Variants in PLA2R1 observed in about 807,000 individuals in gnomAD.
The protein encoded by PLA2R1 is secretory phospholipase A2 receptor.
PLA2R1 carries 158 observed loss-of-function variants against 195.9 expected under a neutral mutation model. The ratio of observed to expected loss-of-function variants is 0.81; its 90% CI spans 0.71 to 0.92. The LOEUF (loss-of-function observed/expected upper bound fraction) is 0.92. PLA2R1 is among the 40% of genes least tolerant of loss of function. PLA2R1 has a pLI of 0.00. For missense variants in PLA2R1, 1,626 were observed against 1,764.6 expected (o/e 0.92, Z 1.41); for synonymous variants, 586 against 598.2 (o/e 0.98, Z 0.30).
At position 159,937,357 on chromosome 2, in the gene PLA2R1, CA is replaced by C. The variant is rs1686883118; in HGVS notation, c.*4420del. 6.6e-6 allele frequency: 1 copy of C among 152,188 alleles called. No homozygotes were observed. The highest frequency in any genetic ancestry group is 1.5e-5 in the Non-Finnish European group (1 of 68,034). 9.4% of individuals were successfully genotyped at this position (152,188 alleles called of 1,614,324 possible). On this transcript the variant is annotated 3_prime_UTR_variant, in exon 30 of 30. Coordinates refer to ENST00000283243, the MANE Select transcript of PLA2R1 (RefSeq NM_007366.5). Reference sequence around the variant, plus strand: ...CTATTAAAATGCCTTTACCCTATTACAAGCTTTAATCAGAACACAAGAGCAG... The same window carrying C: ...CTATTAAAATGCCTTTACCCTATTACAGCTTTAATCAGAACACAAGAGCAG...
rs1414381816 is a variant in PLA2R1, at chr2:159,992,375, C to T, written c.1835-5017G>A. Among the ~76,000 whole-genome samples, 9 of 150,588 alleles carry T rather than the reference C, an allele frequency of 6.0e-5. No homozygotes were observed. In the East Asian group the frequency reaches 1.8e-3, roughly 29 times the overall value. On this transcript the variant is annotated intron_variant, in intron 11 of 29. Coordinates refer to ENST00000283243, the MANE Select transcript of PLA2R1 (RefSeq NM_007366.5). ...AGCATTCTTATACACCAACAACAGA[C>T]AAACAGAGAGCCAAATCATGAGTGA...
At chr2:160,058,648 T>C (rs1695737780) in intron 1 of PLA2R1, among the ~76,000 whole-genome samples, 1 of 152,220 alleles carries the variant, frequency 6.6e-6, no homozygotes, top group South Asian at 2.1e-4. Context: ...CGCTGTCCAC[T>C]TTGTATCTGG....
chr2:159,972,614 T>C (rs1689265111), intron 17 of PLA2R1, among the ~76,000 whole-genome samples: 1 of 152,164 alleles, frequency 6.6e-6, no homozygotes, highest in Admixed American at 6.6e-5. Context: ...GACTAATAGA[T>C]TTGATATGTA....
intron 3 of PLA2R1, among the ~76,000 whole-genome samples, chr2:160,038,502 G>T (rs1288718154): frequency 2.6e-5 from 4 of 152,202 alleles, no homozygotes; most frequent in African/African-American, 9.7e-5. Flanking sequence ...GAGCCCAGGT[G>T]GGGAGACTTG....
In PLA2R1 at chr2:160,028,377, G is replaced by T. The variant is rs1463872385; in HGVS notation, c.956-16C>A. ...AAATTTACCTCTGAAAATACAATGA[G>T]TGTCTTTAATATTAGAAGCAAAAGC... On this transcript the variant is annotated splice_polypyrimidine_tract_variant and intron_variant, in intron 5 of 29. Transcript: ENST00000283243. The T allele has an allele frequency of 1.3e-6, 2 of 1,584,446 alleles. No homozygotes were observed. The highest frequency in any genetic ancestry group is 2.2e-5 in the East Asian group (1 of 44,692).
intron 3 of PLA2R1, among the ~76,000 whole-genome samples, 191 bp downstream of exon 3, chr2:160,041,834 A>C (rs980059499): frequency 6.6e-6 from 1 of 152,248 alleles, no homozygotes; most frequent in African/African-American, 2.4e-5. Context: ...AATGTACGGC[A>C]AAAAGAATAT....
intron 6 of PLA2R1, among the ~76,000 whole-genome samples, chr2:160,026,970 TAA>T (rs1693562132): frequency 6.6e-6 from 1 of 152,004 alleles, no homozygotes. Flanking sequence ...CCCGTCTCTA[TAA>T]AAATACAAAA....
At chr2:159,947,746 A>G (rs957072921) in intron 25 of PLA2R1, among the ~76,000 whole-genome samples, 187 bp from the exon 26 acceptor site, 1 of 152,234 alleles carries the variant, frequency 6.6e-6, no homozygotes, top group Non-Finnish European at 1.5e-5. Flanking sequence ...CATTTCTGAC[A>G]GAAATAATCT....
At chr2:159,979,991 G>T (rs1173916830) in intron 13 of PLA2R1, 77 bp from the exon 14 acceptor site, 2 of 806,900 alleles carry the variant, frequency 2.5e-6, no homozygotes, top group Non-Finnish European at 4.2e-6. Context: ...AAAAATACCA[G>T]CATGGCACAT....
downstream of PLA2R1, among the ~76,000 whole-genome samples, chr2:159,928,262 A>G (rs1470692963): frequency 6.6e-6 from 1 of 152,218 alleles, no homozygotes; most frequent in East Asian, 1.9e-4. Context: ...GAATCACTGC[A>G]CCATGACAAG....
chr2:159,959,159 T>A (rs1208198652), intron 20 of PLA2R1, among the ~76,000 whole-genome samples: 1 of 152,244 alleles, frequency 6.6e-6, no homozygotes. Context: ...TTCCTCTAAT[T>A]ACAAATTCTA....
At chr2:159,975,184 A>G (rs971786476) in intron 17 of PLA2R1, among the ~76,000 whole-genome samples, 2 of 152,186 alleles carry the variant, frequency 1.3e-5, no homozygotes, top group African/African-American at 4.8e-5. Flanking sequence ...TTTATGTTTT[A>G]AAAATTGAAA....
chr2:160,046,402 G>A (rs1429908388), intron 1 of PLA2R1, among the ~76,000 whole-genome samples: 1 of 152,218 alleles, frequency 6.6e-6, no homozygotes, highest in Non-Finnish European at 1.5e-5. Flanking sequence ...GGCGGGTCAT[G>A]TAATGGAGGG....
intron 27 of PLA2R1, chr2:159,946,261 T>G (rs1404506619): frequency 1.4e-5 from 14 of 984,952 alleles, no homozygotes. Flanking sequence ...CCCCCAACCT[T>G]GGTACACCAC....
chr2:159,959,925 T>C (rs1401665959), intron 20 of PLA2R1, among the ~76,000 whole-genome samples: 2 of 152,178 alleles, frequency 1.3e-5, no homozygotes, highest in Non-Finnish European at 2.9e-5. Flanking sequence ...AATAGCTTCC[T>C]AACTGCTCTT....
At chr2:159,944,450 G>A (rs1687262671) in intron 28 of PLA2R1, among the ~76,000 whole-genome samples, 1 of 152,076 alleles carries the variant, frequency 6.6e-6, no homozygotes, top group Non-Finnish European at 1.5e-5. Flanking sequence ...TGATGATTAA[G>A]TTAAAATGTG....
chr2:160,042,253 G>C, intron 2 of PLA2R1, 55 bp from the exon 3 acceptor site: 2 of 1,494,336 alleles, frequency 1.3e-6, no homozygotes, highest in Non-Finnish European at 1.9e-6. Flanking sequence ...TTTATCTTTG[G>C]AAACTGCTAT....
chr2:160,015,956 T>C (rs545646824), intron 9 of PLA2R1, among the ~76,000 whole-genome samples: 1 of 152,324 alleles, frequency 6.6e-6, no homozygotes, highest in Admixed American at 6.5e-5. Flanking sequence ...TTTTATGACA[T>C]CTCACTTGAA....
chr2:160,058,918 T>C (rs897087737), intron 1 of PLA2R1, among the ~76,000 whole-genome samples: 1 of 152,150 alleles, frequency 6.6e-6, no homozygotes, highest in Non-Finnish European at 1.5e-5. Flanking sequence ...TATTATTACA[T>C]TGTAATATAT....
Sources: gnomAD v4.1 joint callset for allele counts (sites outside exome capture counted in the v4.1 genomes callset) on GRCh38, gnomAD v4.1.1 for gene constraint, MANE v1.5 for transcripts, NCBI Gene and HGNC (gene_info 2026-07-23, HGNC 2026-07-21) for gene names.